GRIA2: variants seen among roughly 807,000 people sequenced by gnomAD.
GRIA2 encodes the protein glutamate ionotropic receptor AMPA type subunit 2.
A neutral mutation model predicts 97.3 loss-of-function variants in GRIA2; 14 were observed. The ratio of observed to expected loss-of-function variants is 0.14; its 90% CI spans 0.10 to 0.23. The LOEUF (loss-of-function observed/expected upper bound fraction) is 0.23. Among genes scored for constraint, GRIA2 ranks in the 10% least tolerant of loss-of-function variants. The pLI, the probability that GRIA2 is intolerant of heterozygous loss-of-function variation, is 1.00. For missense variants in GRIA2, 558 were observed against 1,069.8 expected (o/e 0.52, Z 6.67); for synonymous variants, 412 against 387.8 (o/e 1.06, Z -0.73).
chr4:157,331,050 A>G (rs1011118416), intron 6 of GRIA2, among the ~76,000 whole-genome samples: 4 of 152,052 alleles, frequency 2.6e-5, no homozygotes, highest in African/African-American at 9.7e-5. Context: ...CATGCAGAAC[A>G]TAAGCAAAAA....
chr4:157,282,799 AAT>A (rs762782713), intron 2 of GRIA2, among the ~76,000 whole-genome samples: 1 of 152,100 alleles, frequency 6.6e-6, no homozygotes, highest in African/African-American at 2.4e-5. Flanking sequence ...TATTTCTGGC[AAT>A]GTTTACCAAT....
At chr4:157,261,307 T>C (rs965931816) in intron 2 of GRIA2, among the ~76,000 whole-genome samples, 1 of 152,168 alleles carries the variant, frequency 6.6e-6, no homozygotes, top group Non-Finnish European at 1.5e-5. Context: ...ATGCTCTAAA[T>C]CTTATTTATT....
At chr4:157,222,063 G>A (rs908822974) in intron 2 of GRIA2, among the ~76,000 whole-genome samples, 4 of 152,066 alleles carry the variant, frequency 2.6e-5, no homozygotes, top group African/African-American at 9.7e-5. Context: ...CCGGGGTGAG[G>A]GTTGGAGCCA....
At position 157,361,476 on chromosome 4, in the gene GRIA2, T is replaced by G; in HGVS notation, c.2406+352T>G. ...CTCTTACAAAGCTCTTGAATCAGTA[T>G]TATGTAATGAATAACATAAAATAAC... On this transcript the variant is annotated intron_variant, in intron 14 of 15. Coordinates refer to ENST00000264426, the MANE Select transcript of GRIA2 (RefSeq NM_001083619.3). This position sits in a 1 kb window ranked among gnomAD's most constrained non-coding sequence, Gnocchi z 5.2. 2 of 1,214,434 alleles carry G rather than the reference T, an allele frequency of 1.6e-6. No individual in the cohort carries two copies. The highest frequency in any genetic ancestry group is 2.4e-6 in the Non-Finnish European group (2 of 825,200). 75.2% of individuals were successfully genotyped at this position (1,214,434 alleles called of 1,614,324 possible).
chr4:157,277,774 A>G (rs1257524736), intron 2 of GRIA2, among the ~76,000 whole-genome samples: 2 of 148,942 alleles, frequency 1.3e-5, no homozygotes, highest in African/African-American at 4.9e-5. Context: ...ACCCCCCACG[A>G]AATGAAATAC....
chr4:157,303,601 C>T lies in GRIA2; in HGVS notation c.279C>T (p.Asp93=), dbSNP rs1733710132. ...RGVYAIFGFY[D]KKSVNTITSF... is the part of the protein sequence containing the mutation. ...TCTATGCTATTTTTGGATTTTATGA[C>T]AAGAAGTCTGTAAATACCATCACAT... is the stretch of plus-strand genomic sequence containing the variant. The change falls in exon 3 of 16, where the codon GAC becomes GAT. Residue 93 remains aspartate (D), a synonymous_variant. Transcript: ENST00000264426. The T allele has an allele frequency of 1.2e-6, 2 of 1,613,742 alleles. No homozygotes were observed. Among genetic ancestry groups the T allele is most frequent in the East Asian group, 2.2e-5 (1 of 44,870 alleles).
intron 2 of GRIA2, among the ~76,000 whole-genome samples, chr4:157,247,332 G>A (rs1730775806): frequency 6.6e-6 from 1 of 152,166 alleles, no homozygotes; most frequent in African/African-American, 2.4e-5. Flanking sequence ...CATGAATCCA[G>A]AAAGTGCAGG....
At chr4:157,315,424 T>A (rs968339113) in intron 4 of GRIA2, among the ~76,000 whole-genome samples, 1 of 151,874 alleles carries the variant, frequency 6.6e-6, no homozygotes, top group African/African-American at 2.4e-5. Flanking sequence ...ACCAGTGTTT[T>A]TTCAAGACAA....
intron 1 of GRIA2, chr4:157,221,341 T>C (rs771944276): frequency 3.2e-5 from 18 of 561,678 alleles, no homozygotes; most frequent in Non-Finnish European, 4.1e-5. Flanking sequence ...GGTCCTCTCA[T>C]TTCGGATCCC....
At chr4:157,291,442 A>T (rs1279167626) in intron 2 of GRIA2, among the ~76,000 whole-genome samples, 1 of 151,548 alleles carries the variant, frequency 6.6e-6, no homozygotes, top group Non-Finnish European at 1.5e-5. Flanking sequence ...ATTTTCTCCT[A>T]TTTTTTTTAA....
chr4:157,338,167 G>A (rs966750732), intron 11 of GRIA2, among the ~76,000 whole-genome samples: 1 of 150,776 alleles, frequency 6.6e-6, no homozygotes, highest in Admixed American at 6.6e-5. Context: ...ATAATTTGGA[G>A]GCAAATACTA....
Position 157,230,062 on chromosome 4 carries a change from A to G in GRIA2, c.229+8255A>G, listed in dbSNP as rs35428471. Among the ~76,000 whole-genome samples the G allele has an allele frequency of 3.4e-3, 521 of 152,296 alleles. 4 individuals are homozygous for G. Among genetic ancestry groups the G allele is most frequent in the Non-Finnish European group, 5.8e-3 (393 of 68,006 alleles). On this transcript the variant is annotated intron_variant, in intron 2 of 15. Transcript: ENST00000264426. ...CCTACAAGAATAGAATATGACCTAA[A>G]TTAATAATGTCTAACTTCAGCATAA... is the stretch of plus-strand genomic sequence containing the variant.
chr4:157,311,924 A>C (rs1174425736), intron 3 of GRIA2, among the ~76,000 whole-genome samples: 3 of 152,038 alleles, frequency 2.0e-5, no homozygotes, highest in Non-Finnish European at 4.4e-5. Context: ...TAATATATGG[A>C]CAATTAAAAA....
At chr4:157,313,937 T>C (rs550408048) in intron 4 of GRIA2, among the ~76,000 whole-genome samples, 1 of 152,158 alleles carries the variant, frequency 6.6e-6, no homozygotes, top group African/African-American at 2.4e-5. Context: ...GAAAAGAAAA[T>C]GTTATTTAGA....
At chr4:157,317,503 G>T (rs534795418) in intron 4 of GRIA2, among the ~76,000 whole-genome samples, 155 bp from the exon 5 acceptor site, 1 of 151,976 alleles carries the variant, frequency 6.6e-6, no homozygotes, top group African/African-American at 2.4e-5. Context: ...ATCTAATTTT[G>T]ATAATTATAT....
At chr4:157,306,824 T>A (rs909772696) in intron 3 of GRIA2, among the ~76,000 whole-genome samples, 3 of 152,184 alleles carry the variant, frequency 2.0e-5, no homozygotes, top group African/African-American at 7.2e-5. Context: ...TTCCCCCATT[T>A]GGTCCGAAAT....
In GRIA2 at chr4:157,361,828, TTTTTA is replaced by T. The variant is rs1736644679; in HGVS notation, c.2406+715_2406+719del. On this transcript the variant is annotated intron_variant, in intron 14 of 15. Transcript: ENST00000264426. The surrounding 1 kb of genome is among the most constrained non-coding windows in gnomAD (Gnocchi z 5.2). The stretch of plus-strand genomic sequence containing the variant: ...TGCCTGCAGAGTTACTGATTTGTTG[TTTTTA>T]TTTTATTTTAAATATAGTATATGCA... 6.6e-6 allele frequency among the ~76,000 whole-genome samples: 1 copy of T among 152,178 alleles called. No individual in the cohort carries two copies. Among genetic ancestry groups the T allele is most frequent in the South Asian group, 2.1e-4 (1 of 4,836 alleles).
intron 2 of GRIA2, among the ~76,000 whole-genome samples, chr4:157,225,348 T>C (rs1484053781): frequency 1.3e-5 from 2 of 152,032 alleles, no homozygotes; most frequent in East Asian, 3.9e-4. Flanking sequence ...TTTCTTTTCC[T>C]CTCTCCCCTC....
At chr4:157,326,220 T>G (rs1272665654) in intron 6 of GRIA2, among the ~76,000 whole-genome samples, 1 of 152,182 alleles carries the variant, frequency 6.6e-6, no homozygotes, top group African/African-American at 2.4e-5. Context: ...CTTAGATCTC[T>G]TTCAAATCCT....
Sources: allele counts gnomAD v4.1 joint callset (sites outside exome capture counted in the v4.1 genomes callset), GRCh38; gene constraint gnomAD v4.1.1; non-coding constraint Gnocchi (gnomAD v3.1); transcripts MANE v1.5; gene names NCBI Gene and HGNC (gene_info 2026-07-23, HGNC 2026-07-21).